COQ8B: variants seen among roughly 807,000 people sequenced by gnomAD.
The protein encoded by COQ8B is atypical kinase COQ8B, mitochondrial.
In COQ8B, 44 loss-of-function variants were observed where a neutral mutation model predicts 62.0. The observed-to-expected ratio is 0.71, with a 90% CI of 0.56 to 0.91. The LOEUF (loss-of-function observed/expected upper bound fraction) is 0.91, where lower values mean the gene tolerates loss of function less well. COQ8B is among the 40% of genes least tolerant of loss of function. COQ8B has a pLI of 0.00. For synonymous variants in COQ8B, 252 were observed against 289.9 expected, an observed-to-expected ratio of 0.87 and a Z score of 1.33; for missense variants, 649 against 731.6, an observed-to-expected ratio of 0.89 and a Z score of 1.30.
At chr19:40,708,616 C>T (rs1401489538) in intron 5 of COQ8B, among the ~76,000 whole-genome samples, 1 of 151,758 alleles carries the variant, frequency 6.6e-6, no homozygotes, top group Non-Finnish European at 1.5e-5. Flanking sequence ...TCCACCTACC[C>T]TCAACTTTTT....
chr19:40,714,296 C>T lies in COQ8B; in HGVS notation c.204G>A (p.Arg68=). 6.2e-7 allele frequency: 1 copy of T among 1,613,224 alleles called. No individual in the cohort carries two copies. ...DIRRAREARP[R]KTPRPQLSDR... is the part of the protein sequence containing the mutation. ...ATGATACCTGGGGCCGGGGTGTCTT[C>T]CTGGGACGGGCCTCCCGTGCCCTGC... is the stretch of plus-strand genomic sequence containing the variant. The change falls in exon 3 of 15, where the codon AGG becomes AGA. Residue 68 remains arginine (R), a synonymous_variant. Transcript: ENST00000324464.
rs746200671 is a variant in COQ8B at position 40,692,244 on chromosome 19, G to A, written c.1426C>T (p.His476Tyr). ...IQDLIPVLLR[H>Y]RLCPPPEETY... ...TCCTCGGGTGGGGGACACAGCCGGT[G>A]CCGCAGCAGCACCGGGATGAGGTCC... is the stretch of plus-strand genomic sequence containing the variant. Residue 476 changes from histidine to tyrosine, a missense_variant, in exon 15 of 15, where the codon CAC (histidine) becomes TAC (tyrosine). Physicochemically the swap from His to Tyr is moderately conservative, Grantham distance 83. Transcript: ENST00000324464. 16 of 1,611,828 alleles carry A rather than the reference G, an allele frequency of 9.9e-6. No individual in the cohort carries two copies. The African/African-American group carries it at 2.1e-4, about 22-fold the overall frequency.
intron 13 of COQ8B, among the ~76,000 whole-genome samples, chr19:40,693,842 G>C (rs1455122860): frequency 6.6e-6 from 1 of 151,384 alleles, no homozygotes; most frequent in Non-Finnish European, 1.5e-5. Context: ...TTCACAGAAG[G>C]GGAAGCAGAC....
intron 10 of COQ8B, chr19:40,700,678 G>A (rs1179303725): frequency 7.6e-5 from 41 of 539,026 alleles, no homozygotes; most frequent in Middle Eastern, 4.9e-4. Flanking sequence ...CTCTCAACTG[G>A]GTGCTGCTGG....
chr19:40,700,701 C>G, intron 10 of COQ8B: 1 of 500,536 alleles, frequency 2.0e-6, no homozygotes, highest in South Asian at 3.1e-5. Flanking sequence ...ACCCAGTCAC[C>G]ACTTCCCTAC....
chr19:40,701,457 T>A (rs1217434865), intron 10 of COQ8B: 3 of 152,178 alleles, frequency 2.0e-5, no homozygotes, highest in East Asian at 3.8e-4. Context: ...TGGGGTTTTA[T>A]CCTAAGGGCA....
At chr19:40,712,184 A>C (rs1046646215) in intron 4 of COQ8B, among the ~76,000 whole-genome samples, 2 of 152,094 alleles carry the variant, frequency 1.3e-5, no homozygotes, top group African/African-American at 4.8e-5. Context: ...CACGCCTATA[A>C]TCCCAGCACT....
At chr19:40,709,418 A>AT (rs1378806107) in intron 5 of COQ8B, among the ~76,000 whole-genome samples, 2 of 152,232 alleles carry the variant, frequency 1.3e-5, no homozygotes, top group East Asian at 1.9e-4. Context: ...TTTTTATTTT[A>AT]TTTTTTATAA....
At chr19:40,713,974 C>A in intron 4 of COQ8B, 93 bp downstream of exon 4, 2 of 1,366,802 alleles carry the variant, frequency 1.5e-6, no homozygotes, top group Non-Finnish European at 2.1e-6. Flanking sequence ...CTCTCTCTTT[C>A]CTGTCTCTGA....
rs2082170731 is a variant in COQ8B at position 40,714,642 on chromosome 19, G to A, written c.-3-7C>T. The A allele has an allele frequency of 1.3e-6, 2 of 1,589,156 alleles. No individual in the cohort carries two copies. The highest frequency in any genetic ancestry group is 1.7e-6 in the Non-Finnish European group (2 of 1,169,446). On this transcript the variant is annotated splice_polypyrimidine_tract_variant and splice_region_variant and intron_variant, in intron 1 of 14. Transcript: ENST00000324464. ...CCACCTTCAGCCACATTGCCTGGAG[G>A]AGAAGAGGAGGGATTATTCAGGTGG...
intron 4 of COQ8B, among the ~76,000 whole-genome samples, chr19:40,712,085 C>T (rs970611837): frequency 6.6e-6 from 1 of 151,610 alleles, no homozygotes; most frequent in African/African-American, 2.4e-5. Context: ...TGCAATGGTG[C>T]GATCTTGGTT....
intron 9 of COQ8B, among the ~76,000 whole-genome samples, chr19:40,703,051 C>T (rs1463839694): frequency 6.6e-6 from 1 of 152,190 alleles, no homozygotes; most frequent in Non-Finnish European, 1.5e-5. Context: ...CACCCCAGTC[C>T]CTGGCAGCTC....
intron 9 of COQ8B, 113 bp from the exon 10 acceptor site, chr19:40,702,806 C>G: frequency 8.6e-6 from 8 of 934,990 alleles, no homozygotes; most frequent in Non-Finnish European, 1.2e-5. Flanking sequence ...AGCTCCTACT[C>G]TAGGCCTGTG....
chr19:40,713,707 C>T (rs1176470075), intron 4 of COQ8B, among the ~76,000 whole-genome samples: 2 of 145,070 alleles, frequency 1.4e-5, no homozygotes, highest in South Asian at 2.1e-4. Context: ...CAGAGCGAGA[C>T]TCTGTCTCAA....
At chr19:40,701,789 C>T (rs1441161287) in intron 10 of COQ8B, among the ~76,000 whole-genome samples, 4 of 152,152 alleles carry the variant, frequency 2.6e-5, no homozygotes, top group Non-Finnish European at 5.9e-5. Flanking sequence ...CCACTGCCTT[C>T]TACTGAGCTT....
intron 12 of COQ8B, among the ~76,000 whole-genome samples, chr19:40,696,972 C>A (rs903257727): frequency 6.6e-6 from 1 of 152,236 alleles, no homozygotes; most frequent in African/African-American, 2.4e-5. Context: ...CCAGCTCAGT[C>A]ACTCATTTCA....
chr19:40,697,796 A>C (rs2082025417), intron 12 of COQ8B, among the ~76,000 whole-genome samples: 1 of 146,244 alleles, frequency 6.8e-6, no homozygotes, highest in South Asian at 2.2e-4. Flanking sequence ...GCAAAACTCT[A>C]TCTCTAAACA....
At chr19:40,699,388 CT>C (rs1477405489) in intron 12 of COQ8B, among the ~76,000 whole-genome samples, 2 of 152,018 alleles carry the variant, frequency 1.3e-5, no homozygotes. Flanking sequence ...ACCCCTCTGC[CT>C]GTGCCTCCCC....
intron 9 of COQ8B, 197 bp downstream of exon 9, chr19:40,703,344 A>T: frequency 1.7e-6 from 1 of 592,462 alleles, no homozygotes; most frequent in Non-Finnish European, 2.9e-6. Context: ...AGGCTCTGTT[A>T]AAATCCATAA....
Sources: allele counts gnomAD v4.1 joint callset (sites outside exome capture counted in the v4.1 genomes callset), GRCh38; gene constraint gnomAD v4.1.1; transcripts MANE v1.5; gene names NCBI Gene and HGNC (gene_info 2026-07-23, HGNC 2026-07-21).